The following FMN1 variants were observed in gnomAD, a reference collection of about 807,000 sequenced individuals.
FMN1 encodes formin-1.
Under a neutral mutation model 132.4 loss-of-function variants are expected in FMN1, and 110 were observed. The observed-to-expected ratio is 0.83, with a 90% confidence interval of 0.71 to 0.97. FMN1 has a LOEUF of 0.97. Among genes scored for constraint, FMN1 ranks in the 50% least tolerant of loss-of-function variants. The pLI, the probability that FMN1 is intolerant of heterozygous loss-of-function variation, is 0.00. For synonymous variants in FMN1, 722 were observed against 651.7 expected, an observed-to-expected ratio of 1.11 and a Z score of -1.64; for missense variants, 1,792 against 1,705.3, an observed-to-expected ratio of 1.05 and a Z score of -0.90.
At chr15:33,174,334 CCTT>C (rs1420224656) in intron 3 of FMN1, among the ~76,000 whole-genome samples, 1 of 152,050 alleles carries the variant, frequency 6.6e-6, no homozygotes, top group Non-Finnish European at 1.5e-5. Context: ...ACCTGTAAGT[CCTT>C]CTTAATACCT....
chr15:33,004,190 A>T (rs1447410454), intron 7 of FMN1, among the ~76,000 whole-genome samples: 4 of 152,222 alleles, frequency 2.6e-5, no homozygotes, highest in African/African-American at 9.6e-5. Flanking sequence ...AAAATTGACA[A>T]ATGGGATCTA....
rs2140286232 is a variant in FMN1 at position 33,154,495 on chromosome 15, C to T, written c.420G>A (p.Gln140=). The T allele has an allele frequency of 6.5e-7, 1 of 1,535,934 alleles. No individual in the cohort carries two copies. ...DDCFQSAGDW[Q]GELPVGPLNK... ...TGAGAGGGCCCACGGGGAGCTCTCCCTGCCAGTCACCAGCACTCTGGAAAC... is the reference window on the plus strand; with the variant it reads ...TGAGAGGGCCCACGGGGAGCTCTCCTTGCCAGTCACCAGCACTCTGGAAAC... The change falls in exon 4 of 21, where the codon CAG becomes CAA. Residue 140 remains glutamine, a synonymous_variant. Transcript: ENST00000616417.
At chr15:32,806,257 TC>T in intron 17 of FMN1, among the ~76,000 whole-genome samples, 1 of 152,304 alleles carries the variant, frequency 6.6e-6, no homozygotes, top group Middle Eastern at 3.4e-3. Context: ...TTTTGAAACA[TC>T]ACCCTTTTAT....
At chr15:33,179,126 A>C (rs1965610797) in intron 3 of FMN1, among the ~76,000 whole-genome samples, 1 of 152,246 alleles carries the variant, frequency 6.6e-6, no homozygotes, top group Non-Finnish European at 1.5e-5. Flanking sequence ...TAGGAACAAA[A>C]TTGGCTTTCC....
chr15:33,129,604 G>A lies in FMN1; in HGVS notation c.1867+23444C>T, dbSNP rs1459153416. ...ATGAGTCTCACAACCATCCACTGTC[G>A]TGGGTGTCACCCCAATCCTACAGAT... On this transcript the variant is annotated intron_variant, in intron 4 of 20. Coordinates refer to ENST00000616417, the MANE Select transcript of FMN1 (RefSeq NM_001277313.2). 3.9e-5 allele frequency among the ~76,000 whole-genome samples: 6 copies of A among 152,048 alleles called. No homozygotes were observed. In the South Asian group the frequency reaches 8.3e-4, roughly 21 times the overall value.
At chr15:32,811,495 T>C (rs1367117917) in intron 17 of FMN1, among the ~76,000 whole-genome samples, 4 of 151,900 alleles carry the variant, frequency 2.6e-5, no homozygotes, top group Non-Finnish European at 5.9e-5. Flanking sequence ...GTAAAGGACA[T>C]TGTGTCACTA....
At chr15:32,941,889 C>A (rs1438476403) in intron 9 of FMN1, among the ~76,000 whole-genome samples, 2 of 152,160 alleles carry the variant, frequency 1.3e-5, no homozygotes, top group African/African-American at 4.8e-5. Context: ...CGTTAGCAAG[C>A]CCTCACTTTA....
At chr15:32,895,369 A>C (rs1435425179) in intron 15 of FMN1, among the ~76,000 whole-genome samples, 1 of 152,086 alleles carries the variant, frequency 6.6e-6, no homozygotes, top group Non-Finnish European at 1.5e-5. Context: ...GGAAAAAAAA[A>C]AACAAAAACA....
chr15:33,018,559 GC>G (rs1270990426), intron 6 of FMN1, among the ~76,000 whole-genome samples: 4 of 152,114 alleles, frequency 2.6e-5, no homozygotes, highest in Non-Finnish European at 5.9e-5. Flanking sequence ...AGGGTGGTGC[GC>G]CCAAGAAGAA....
At chr15:32,822,176 C>T (rs894675274) in intron 17 of FMN1, among the ~76,000 whole-genome samples, 1 of 152,046 alleles carries the variant, frequency 6.6e-6, no homozygotes, top group African/African-American at 2.4e-5. Context: ...TGGTGAAACC[C>T]CGCCTCTACT....
In FMN1 at chr15:33,154,373, C is replaced by T. The variant is rs2140285784; in HGVS notation, c.542G>A (p.Gly181Glu). 3 of 1,536,158 alleles carry T rather than the reference C, an allele frequency of 2.0e-6. No homozygotes were observed. Among genetic ancestry groups the T allele is most frequent in the African/African-American group, 2.7e-5 (2 of 73,152 alleles). Reference sequence around the variant, plus strand: ...AGGAGCTGATTCTCGGCCTCCACGCCCTTTTCTTTTGGTCCTCTTCTGTGG... The same window carrying T: ...AGGAGCTGATTCTCGGCCTCCACGCTCTTTTCTTTTGGTCCTCTTCTGTGG... ...ALPQKRTKRKGRGGRESAPLM... is the reference protein window; with the variant it reads ...ALPQKRTKRKERGGRESAPLM... The change falls in exon 4 of 21, where the codon GGG (glycine) becomes GAG (glutamate). Residue 181 changes from glycine (G) to glutamate (E), a missense_variant. By Grantham distance (98) the Gly-to-Glu change is moderately conservative. Around this residue, in one of 3 missense-constraint regions of FMN1, gnomAD observed 638 missense variants for 645.2 expected, o/e 0.99. Transcript: ENST00000616417.
chr15:33,055,317 G>C (rs774229884), intron 6 of FMN1, among the ~76,000 whole-genome samples: 1 of 152,064 alleles, frequency 6.6e-6, no homozygotes, highest in East Asian at 1.9e-4. Flanking sequence ...CCACCCCTTC[G>C]AGTTGTCCTA....
At chr15:32,938,845 T>C (rs1373638029) in intron 9 of FMN1, among the ~76,000 whole-genome samples, 3 of 152,222 alleles carry the variant, frequency 2.0e-5, no homozygotes, top group Non-Finnish European at 4.4e-5. Flanking sequence ...ATTAGTCACA[T>C]CTTATGAATT....
At chr15:32,954,276 G>A (rs2061715680) in intron 9 of FMN1, among the ~76,000 whole-genome samples, 1 of 152,182 alleles carries the variant, frequency 6.6e-6, no homozygotes. Flanking sequence ...GAACCCCCAT[G>A]TACCTATGGC....
chr15:32,784,467 G>C (rs56341924), intron 19 of FMN1, among the ~76,000 whole-genome samples: 1,813 of 151,658 alleles, frequency 0.012, 34 homozygotes, highest in African/African-American at 0.041. Context: ...TCAGGAGAAA[G>C]ACAACAGAAG....
intron 5 of FMN1, chr15:33,066,649 G>C: frequency 1.2e-6 from 2 of 1,613,818 alleles, no homozygotes; most frequent in South Asian, 2.2e-5. Context: ...CCTTTCTGGG[G>C]GGCCGGATGA....
chr15:33,169,434 G>T (rs1257154151), intron 3 of FMN1, among the ~76,000 whole-genome samples: 1 of 152,100 alleles, frequency 6.6e-6, no homozygotes, highest in African/African-American at 2.4e-5. Flanking sequence ...AAATTTGATT[G>T]AAGGAATAAA....
chr15:32,885,821 A>T (rs868542231), intron 16 of FMN1, among the ~76,000 whole-genome samples: 110 of 148,860 alleles, frequency 7.4e-4, no homozygotes, highest in African/African-American at 1.9e-3. Flanking sequence ...TTTTTTTTTT[A>T]AAAGACTCTG....
In FMN1 at chr15:33,088,801, G is replaced by A; in HGVS notation, c.2041C>T (p.His681Tyr). 6.5e-7 allele frequency: 1 copy of A among 1,534,232 alleles called. No individual in the cohort carries two copies. The highest frequency in any genetic ancestry group is 8.7e-7 in the Non-Finnish European group (1 of 1,146,072). The change falls in exon 5 of 21, where the codon CAT (histidine) becomes TAT (tyrosine). Residue 681 changes from histidine (H) to tyrosine (Y), a missense_variant and splice_region_variant. Coordinates refer to ENST00000616417, the MANE Select transcript of FMN1 (RefSeq NM_001277313.2). ...SNRSELYLDL[H>Y]PDHSLTEQDD... ...CAATCACCAAGATTTCTACTTACAT[G>A]GAGATCCAAGTACAATTCGCTCCTG... is the stretch of plus-strand genomic sequence containing the variant.
Sources: allele counts gnomAD v4.1 joint callset (sites outside exome capture counted in the v4.1 genomes callset), GRCh38; gene constraint gnomAD v4.1.1; regional missense constraint gnomAD v4.1.1; transcripts MANE v1.5; gene names NCBI Gene and HGNC (gene_info 2026-07-23, HGNC 2026-07-21).